RIMS1: variants seen among roughly 807,000 people sequenced by gnomAD.
The protein encoded by RIMS1 is regulating synaptic membrane exocytosis protein 1.
Under a neutral mutation model 214.1 loss-of-function variants are expected in RIMS1, and 83 were observed. The ratio of observed to expected loss-of-function variants is 0.39; its 90% confidence interval spans 0.32 to 0.47. The LOEUF (loss-of-function observed/expected upper bound fraction) is 0.47. RIMS1 is among the 20% of genes least tolerant of loss of function. The probability of loss-of-function intolerance (pLI) is 0.99; values close to 1 mark genes in which losing one functional copy is unlikely to be tolerated. For synonymous variants in RIMS1, 793 were observed against 786.8 expected (o/e 1.01, Z -0.13); for missense variants, 2,050 against 2,161.8 (o/e 0.95, Z 1.03).
chr6:71,936,475 C>T (rs1381975174), intron 1 of RIMS1, among the ~76,000 whole-genome samples: 1 of 151,630 alleles, frequency 6.6e-6, no homozygotes, highest in Non-Finnish European at 1.5e-5. Flanking sequence ...TAAAGCAAAA[C>T]TAATCAACAA....
intron 2 of RIMS1, among the ~76,000 whole-genome samples, chr6:72,016,754 C>G (rs1290982071): frequency 6.6e-6 from 1 of 152,052 alleles, no homozygotes; most frequent in African/African-American, 2.4e-5. Context: ...AGAGAATGAT[C>G]TGCAATATTT....
chr6:72,139,169 C>G (rs1046615091), intron 4 of RIMS1, among the ~76,000 whole-genome samples: 1 of 152,110 alleles, frequency 6.6e-6, no homozygotes, highest in African/African-American at 2.4e-5. Flanking sequence ...TGAAAAGACT[C>G]TGGCCTTTTC....
chr6:72,399,331 C>T (rs747634682), intron 33 of RIMS1, among the ~76,000 whole-genome samples: 5 of 151,900 alleles, frequency 3.3e-5, no homozygotes, highest in African/African-American at 4.8e-5. Flanking sequence ...TGTCTTTTCT[C>T]TCTCTATCCT....
At chr6:71,934,984 T>C (rs1156941926) in intron 1 of RIMS1, among the ~76,000 whole-genome samples, 1 of 152,184 alleles carries the variant, frequency 6.6e-6, no homozygotes, top group East Asian at 1.9e-4. Flanking sequence ...AAAATTGAAC[T>C]ATTTTTAACA....
At chr6:72,299,758 G>A (rs536518465) in intron 26 of RIMS1, among the ~76,000 whole-genome samples, 19 of 151,872 alleles carry the variant, frequency 1.3e-4, no homozygotes, top group Middle Eastern at 3.4e-3. Flanking sequence ...TTTCAATAGC[G>A]TACTGTGGTT....
chr6:71,936,326 CAAAAAAAAAAAAAAAAA>C (rs4034728), intron 1 of RIMS1, among the ~76,000 whole-genome samples: 2 of 68,700 alleles, frequency 2.9e-5, no homozygotes, highest in Non-Finnish European at 5.2e-5. Context: ...GACTCCGTCT[CAAAAAAAAAAAAAAAAA>C]AAAAAAAAAG....
intron 4 of RIMS1, among the ~76,000 whole-genome samples, chr6:72,172,010 TATG>T (rs1484301821): frequency 1.3e-5 from 2 of 152,124 alleles, no homozygotes; most frequent in Admixed American, 6.6e-5. Context: ...AAACCATCTT[TATG>T]ATAACAGAAA....
intron 2 of RIMS1, among the ~76,000 whole-genome samples, chr6:72,087,876 C>T (rs1835076649): frequency 6.6e-6 from 1 of 152,232 alleles, no homozygotes; most frequent in South Asian, 2.1e-4. Flanking sequence ...TGGCACCCAT[C>T]AAATGGAAAC....
At chr6:72,258,900 T>G in intron 17 of RIMS1, 86 bp from the exon 18 acceptor site, 1 of 1,235,394 alleles carries the variant, frequency 8.1e-7, no homozygotes. Flanking sequence ...ATTTGCATAT[T>G]ACTCTCAGTT....
chr6:72,212,996 A>G (rs889561682), intron 6 of RIMS1: 3 of 1,438,554 alleles, frequency 2.1e-6, no homozygotes, highest in Non-Finnish European at 2.7e-6. Context: ...CTGTTGTTCA[A>G]TGATATAAGC....
intron 29 of RIMS1, among the ~76,000 whole-genome samples, chr6:72,384,193 T>C (rs1335039760): frequency 6.6e-6 from 1 of 152,176 alleles, no homozygotes; most frequent in African/African-American, 2.4e-5. Context: ...TATTCCAATC[T>C]ACATAGAAAC....
At chr6:72,165,916 A>C (rs1320039025) in intron 4 of RIMS1, among the ~76,000 whole-genome samples, 1 of 152,204 alleles carries the variant, frequency 6.6e-6, no homozygotes, top group Non-Finnish European at 1.5e-5. Context: ...GCACCTTAAC[A>C]ATACTGAGTT....
Position 72,019,830 on chromosome 6 carries a change from T to C in RIMS1, c.245+50767T>C, listed in dbSNP as rs999903107. Among the ~76,000 whole-genome samples the C allele has an allele frequency of 2.6e-5, 4 of 152,164 alleles. No homozygotes were observed. The South Asian group carries it at 8.3e-4, about 31-fold the overall frequency. ...TTTTGAAGTCTGGTTAATTGTAGTTTTTTTCCCCACATAGGCATGTGAATT... is the reference window on the plus strand; with the variant it reads ...TTTTGAAGTCTGGTTAATTGTAGTTCTTTTCCCCACATAGGCATGTGAATT... On this transcript the variant is annotated intron_variant, in intron 2 of 33. Transcript: ENST00000521978.
chr6:72,267,284 T>C lies in RIMS1; in HGVS notation c.3398+1235T>C, dbSNP rs2081038140. On this transcript the variant is annotated intron_variant, in intron 22 of 33. Transcript: ENST00000521978. Reference sequence around the variant, plus strand: ...AGAGTAGCAAGAAAATTTTAAAATATGTTTAGTTATTATTTTCTTATATGT... The same window carrying C: ...AGAGTAGCAAGAAAATTTTAAAATACGTTTAGTTATTATTTTCTTATATGT... Among the ~76,000 whole-genome samples, 2 of 152,210 alleles carry C rather than the reference T, an allele frequency of 1.3e-5. 1 individual carries two copies. The highest frequency in any genetic ancestry group is 4.1e-4 in the South Asian group (2 of 4,826).
intron 23 of RIMS1, among the ~76,000 whole-genome samples, chr6:72,276,635 A>G (rs1361529400): frequency 6.6e-6 from 1 of 152,088 alleles, no homozygotes. Flanking sequence ...CCTATGTTCG[A>G]CCAAAATAAA....
chr6:72,254,276 G>A (rs1590743510), intron 16 of RIMS1, among the ~76,000 whole-genome samples: 1 of 152,246 alleles, frequency 6.6e-6, no homozygotes, highest in South Asian at 2.1e-4. Context: ...TGATGTCAGT[G>A]TATCAGTGAG....
chr6:72,010,057 T>A (rs1809767249), intron 2 of RIMS1, among the ~76,000 whole-genome samples: 1 of 152,170 alleles, frequency 6.6e-6, no homozygotes, highest in African/African-American at 2.4e-5. Flanking sequence ...ATATCCCTGA[T>A]GAACATCGAT....
intron 4 of RIMS1, among the ~76,000 whole-genome samples, chr6:72,115,159 A>G (rs779767426): frequency 6.6e-6 from 1 of 151,912 alleles, no homozygotes; most frequent in Non-Finnish European, 1.5e-5. Context: ...ATTGGAATGT[A>G]TTGCTTAAAT....
intron 29 of RIMS1, among the ~76,000 whole-genome samples, chr6:72,346,284 A>G (rs1335346795): frequency 1.3e-5 from 2 of 151,850 alleles, no homozygotes; most frequent in Non-Finnish European, 2.9e-5. Context: ...AATAGCAGTC[A>G]GAGTTAGATT....
Sources: allele counts gnomAD v4.1 joint callset (sites outside exome capture counted in the v4.1 genomes callset), GRCh38; gene constraint gnomAD v4.1.1; transcripts MANE v1.5; gene names NCBI Gene and HGNC (gene_info 2026-07-23, HGNC 2026-07-21).